The following CSMD2 variants were observed in gnomAD, a reference collection of about 807,000 sequenced individuals.
CSMD2 encodes the protein CUB and Sushi multiple domains 2.
A neutral mutation model predicts 398.5 loss-of-function variants in CSMD2; 130 were observed. The ratio of observed to expected loss-of-function variants is 0.33; its 90% CI spans 0.28 to 0.38. The LOEUF (loss-of-function observed/expected upper bound fraction) is 0.38, where lower values mean the gene tolerates loss of function less well. CSMD2 is among the 10% of genes least tolerant of loss of function. The pLI, the probability that CSMD2 is intolerant of heterozygous loss-of-function variation, is 1.00. For missense variants in CSMD2, 3,829 were observed against 4,764.9 expected (o/e 0.80, Z 5.78); for synonymous variants, 1,828 against 1,908.5 (o/e 0.96, Z 1.10).
rs1485649923 is a variant in CSMD2, at chr1:34,163,478, C to T, written c.187+1433G>A. On this transcript the variant is annotated intron_variant, in intron 1 of 70. Coordinates refer to ENST00000373381, the MANE Select transcript of CSMD2 (RefSeq NM_001281956.2). The surrounding 1 kb of genome is among the most constrained non-coding windows in gnomAD (Gnocchi z 5.4). ...AGAACCCCAACATGCCGCGGTTAAG[C>T]GGTGGGCGACACGGTCTGCGAGGAC... is the stretch of plus-strand genomic sequence containing the variant. Among the ~76,000 whole-genome samples, 1 of 152,094 alleles carries T rather than the reference C, an allele frequency of 6.6e-6. No homozygotes were observed. The highest frequency in any genetic ancestry group is 1.5e-5 in the Non-Finnish European group (1 of 68,028).
chr1:33,950,546 G>A (rs778050356), intron 3 of CSMD2, among the ~76,000 whole-genome samples: 4 of 152,166 alleles, frequency 2.6e-5, no homozygotes, highest in Non-Finnish European at 5.9e-5. Flanking sequence ...CAGGGACATG[G>A]CATGTGGGTA....
intron 15 of CSMD2, among the ~76,000 whole-genome samples, chr1:33,737,982 C>T (rs1265079069): frequency 2.0e-5 from 3 of 151,936 alleles, no homozygotes; most frequent in Non-Finnish European, 4.4e-5. Flanking sequence ...TGCCAGGATC[C>T]CAGCTTGGGC....
chr1:33,769,938 T>G (rs938833175), intron 13 of CSMD2, among the ~76,000 whole-genome samples: 6 of 152,238 alleles, frequency 3.9e-5, no homozygotes, highest in Non-Finnish European at 8.8e-5. Flanking sequence ...ATGAGCGCTT[T>G]GTAAAACACA....
intron 5 of CSMD2, among the ~76,000 whole-genome samples, chr1:33,889,655 C>CAT (rs61533322): frequency 0.03 from 4,459 of 151,126 alleles, 202 homozygotes; most frequent in African/African-American, 0.096. Context: ...ATGAGGCTGA[C>CAT]ATATATATAT....
intron 5 of CSMD2, among the ~76,000 whole-genome samples, chr1:33,881,482 A>C (rs1641237915): frequency 6.6e-6 from 1 of 152,176 alleles, no homozygotes; most frequent in Non-Finnish European, 1.5e-5. Context: ...AAGGCATGGC[A>C]GCATGGCAGT....
At position 33,959,543 on chromosome 1, in the gene CSMD2, A is replaced by C. The variant is rs372598869; in HGVS notation, c.518-23589T>G. 2.8e-4 allele frequency among the ~76,000 whole-genome samples: 43 copies of C among 151,884 alleles called. 1 individual carries two copies. The highest frequency in any genetic ancestry group is 8.2e-4 in the African/African-American group (34 of 41,242). On this transcript the variant is annotated intron_variant, in intron 3 of 70. Coordinates refer to ENST00000373381, the MANE Select transcript of CSMD2 (RefSeq NM_001281956.2). The stretch of plus-strand genomic sequence containing the variant: ...TGCCCGGGACATATCCAGGTTTAGT[A>C]CTGAAAGTCCCGTGTCCCGGAAAAT...
Position 33,803,340 on chromosome 1 carries a change from T to C in CSMD2, c.1446+7403A>G, listed in dbSNP as rs148722657. Reference sequence around the variant, plus strand: ...TGCTGAGATAACACCCAAACCTCTCTCTTAAACTCAGATTTACCCAGAGTT... The same window carrying C: ...TGCTGAGATAACACCCAAACCTCTCCCTTAAACTCAGATTTACCCAGAGTT... On this transcript the variant is annotated intron_variant, in intron 10 of 70. Coordinates refer to ENST00000373381, the MANE Select transcript of CSMD2 (RefSeq NM_001281956.2). Among the ~76,000 whole-genome samples, 737 of 152,296 alleles carry C rather than the reference T, an allele frequency of 4.8e-3. 8 individuals are homozygous for C. The highest frequency in any genetic ancestry group is 0.017 in the African/African-American group (706 of 41,566).
rs1659749109 is a variant in CSMD2 at position 33,573,167 on chromosome 1, C to T, written c.7577-476G>A. On this transcript the variant is annotated intron_variant, in intron 49 of 70. Transcript: ENST00000373381. Reference sequence around the variant, plus strand: ...CCTAAAGGCTGCCCCATTGCCTACTCAGGTCTGCCACATACTCAACTCAAC... The same window carrying T: ...CCTAAAGGCTGCCCCATTGCCTACTTAGGTCTGCCACATACTCAACTCAAC... Among the ~76,000 whole-genome samples the T allele has an allele frequency of 2.0e-5, 3 of 152,306 alleles. No individual in the cohort carries two copies. The South Asian group carries it at 6.2e-4, about 32-fold the overall frequency.
intron 13 of CSMD2, among the ~76,000 whole-genome samples, chr1:33,765,003 A>G (rs1246505571): frequency 6.6e-6 from 1 of 152,234 alleles, no homozygotes; most frequent in Non-Finnish European, 1.5e-5. Flanking sequence ...GGTGACAAGC[A>G]ATGTATGCGA....
At chr1:34,072,137 T>A (rs991457285) in intron 2 of CSMD2, among the ~76,000 whole-genome samples, 5 of 152,350 alleles carry the variant, frequency 3.3e-5, no homozygotes, top group African/African-American at 1.2e-4. Flanking sequence ...CTGGCCTCAC[T>A]GTTTATGGGT....
chr1:33,972,587 T>C (rs1645811353), intron 3 of CSMD2, among the ~76,000 whole-genome samples: 1 of 151,966 alleles, frequency 6.6e-6, no homozygotes, highest in African/African-American at 2.4e-5. Context: ...ACCGTGGAAG[T>C]AGGAGATCAG....
chr1:34,078,330 A>ATGAC (rs1467253679), intron 2 of CSMD2, among the ~76,000 whole-genome samples: 4 of 151,960 alleles, frequency 2.6e-5, no homozygotes, highest in African/African-American at 7.3e-5. Context: ...TGCACAATTA[A>ATGAC]TGACTGTTCC....
At chr1:33,610,025 C>T (rs1640890009) in intron 41 of CSMD2, among the ~76,000 whole-genome samples, 1 of 152,134 alleles carries the variant, frequency 6.6e-6, no homozygotes, top group Non-Finnish European at 1.5e-5. Context: ...TGTGAGGACG[C>T]AGTGAGAAGA....
At chr1:33,608,174 G>C (rs1412947729) in intron 41 of CSMD2, among the ~76,000 whole-genome samples, 3 of 152,086 alleles carry the variant, frequency 2.0e-5, no homozygotes, top group Non-Finnish European at 4.4e-5. Flanking sequence ...CCAGGGCTCT[G>C]TGGGGGTAGT....
Position 33,873,873 on chromosome 1 carries a change from A to G in CSMD2, c.921-26877T>C, listed in dbSNP as rs549321371. 4 of 152,382 alleles carry G rather than the reference A, an allele frequency of 2.6e-5. No individual in the cohort carries two copies. The East Asian group carries it at 7.7e-4, about 29-fold the overall frequency. 9.4% of individuals were successfully genotyped at this position (152,382 alleles called of 1,614,324 possible). ...AACGCACCTGCCCTAAGGTCGGGCT[A>G]CACTGCATTTTCCCCAGAAACATTA... On this transcript the variant is annotated intron_variant, in intron 5 of 70. Transcript: ENST00000373381.
chr1:34,008,296 G>C (rs1322475200), intron 3 of CSMD2, among the ~76,000 whole-genome samples: 1 of 152,168 alleles, frequency 6.6e-6, no homozygotes, highest in Non-Finnish European at 1.5e-5. Context: ...AAGAAATGAA[G>C]GTCCTGAAAG....
chr1:33,690,513 A>C (rs1283803551), intron 25 of CSMD2, among the ~76,000 whole-genome samples: 1 of 152,204 alleles, frequency 6.6e-6, no homozygotes, highest in Non-Finnish European at 1.5e-5. Flanking sequence ...TAATGCCAGC[A>C]TCTGGCACAG....
intron 1 of CSMD2, among the ~76,000 whole-genome samples, chr1:34,162,649 A>T (rs1016012368): frequency 6.6e-6 from 1 of 152,110 alleles, no homozygotes; most frequent in East Asian, 1.9e-4. Flanking sequence ...ACCTGAAGTC[A>T]GGAGCTCGAG....
At chr1:33,928,744 C>A (rs1035308363) in intron 4 of CSMD2, among the ~76,000 whole-genome samples, 1 of 152,170 alleles carries the variant, frequency 6.6e-6, no homozygotes, top group Non-Finnish European at 1.5e-5. Context: ...TAAAGAGTGG[C>A]CTTGGGTAGC....
Sources: gnomAD v4.1 joint callset for allele counts (sites outside exome capture counted in the v4.1 genomes callset) on GRCh38, gnomAD v4.1.1 for gene constraint, Gnocchi (gnomAD v3.1) non-coding constraint, MANE v1.5 for transcripts, NCBI Gene and HGNC (gene_info 2026-07-23, HGNC 2026-07-21) for gene names.